The following TRPM6 variants were observed in gnomAD, a reference collection of about 807,000 sequenced individuals.
TRPM6 encodes the protein transient receptor potential cation channel subfamily M member 6.
Under a neutral mutation model 247.6 loss-of-function variants are expected in TRPM6, and 111 were observed. The ratio of observed to expected loss-of-function variants is 0.45; its 90% CI spans 0.38 to 0.52. The LOEUF is 0.52. Ranked by LOEUF, TRPM6 falls within the 20% of genes least tolerant of loss-of-function variation. The pLI is 0.00. For synonymous variants in TRPM6, 892 were observed against 853.8 expected, an observed-to-expected ratio of 1.04 and a Z score of -0.78; for missense variants, 2,126 against 2,421.5, an observed-to-expected ratio of 0.88 and a Z score of 2.56.
intron 1 of TRPM6, among the ~76,000 whole-genome samples, chr9:74,874,863 C>G (rs978596730): frequency 4.6e-5 from 7 of 151,230 alleles, no homozygotes; most frequent in Non-Finnish European, 8.8e-5. Context: ...TCAAGTGATT[C>G]TCCTGCCTCA....
intron 27 of TRPM6, among the ~76,000 whole-genome samples, 179 bp downstream of exon 27, chr9:74,761,517 C>T (rs546943331): frequency 6.6e-6 from 1 of 152,212 alleles, no homozygotes; most frequent in Admixed American, 6.5e-5. Flanking sequence ...CAAGGTCAGC[C>T]TGGACAACAT....
intron 1 of TRPM6, among the ~76,000 whole-genome samples, chr9:74,876,918 A>G (rs1831207863): frequency 6.6e-6 from 1 of 152,250 alleles, no homozygotes; most frequent in Admixed American, 6.5e-5. Context: ...GCACTGGATC[A>G]AAAATAAGTG....
At chr9:74,840,269 C>T (rs1829888084) in intron 4 of TRPM6, 32 bp from the exon 5 acceptor site, 1 of 1,524,978 alleles carries the variant, frequency 6.6e-7, no homozygotes, top group Non-Finnish European at 9.1e-7. Flanking sequence ...GTGAACAGAA[C>T]ATTGTAAAAA....
At chr9:74,803,182 C>A (rs1009447657) in intron 15 of TRPM6, among the ~76,000 whole-genome samples, 2 of 152,040 alleles carry the variant, frequency 1.3e-5, no homozygotes, top group African/African-American at 4.8e-5. Context: ...GGAAAGCAAA[C>A]CTCTTTCAGC....
In TRPM6 at chr9:74,861,462, T is replaced by C. The variant is rs142090045; in HGVS notation, c.34-2714A>G. ...AGGCCAATTAACTATTAAAAACAGA[T>C]GCTAAAAGGGTATCTAATGTAGAAG... On this transcript the variant is annotated intron_variant, in intron 1 of 38. Coordinates refer to ENST00000360774, the MANE Select transcript of TRPM6 (RefSeq NM_017662.5). Among the ~76,000 whole-genome samples the C allele has an allele frequency of 2.6e-4, 40 of 152,310 alleles. No individual in the cohort carries two copies. The East Asian group carries it at 5.8e-3, about 22-fold the overall frequency.
intron 14 of TRPM6, among the ~76,000 whole-genome samples, chr9:74,806,146 TG>T (rs1420935485): frequency 6.6e-6 from 1 of 152,152 alleles, no homozygotes; most frequent in Non-Finnish European, 1.5e-5. Context: ...GGTTGGCCAT[TG>T]TTGCTATTAT....
Position 74,785,920 on chromosome 9 carries a change from G to A in TRPM6, c.2873C>T (p.Ala958Val). The change falls in exon 21 of 39, where the codon GCT becomes GTT. Residue 958 changes from alanine to valine, a missense_variant. Ala to Val is a moderately conservative substitution (Grantham distance 64). This residue lies in a region of TRPM6 where 1,082 missense variants were observed against 1,307.9 expected (regional missense o/e 0.83). Coordinates refer to ENST00000360774, the MANE Select transcript of TRPM6 (RefSeq NM_017662.5). ...ATATGGACCTGCATGTTGATTCACA[G>A]CAAAGAAGTCCAGGAGCCGTGAGAA... The part of the protein sequence containing the change: ...FWFSRLLDFF[A>V]VNQHAGPYVT... The A allele has an allele frequency of 6.2e-7, 1 of 1,614,204 alleles. No homozygotes were observed. Among genetic ancestry groups the A allele is most frequent in the Non-Finnish European group, 8.5e-7 (1 of 1,180,042 alleles).
chr9:74,851,507 G>A (rs1040230861), intron 3 of TRPM6, among the ~76,000 whole-genome samples: 1 of 152,054 alleles, frequency 6.6e-6, no homozygotes, highest in African/African-American at 2.4e-5. Context: ...CAGCACTTTG[G>A]GAGGCTGAGG....
In TRPM6 at chr9:74,816,224, T is replaced by C. The variant is rs376227991; in HGVS notation, c.1308+445A>G. Among the ~76,000 whole-genome samples the C allele has an allele frequency of 3.5e-4, 53 of 152,038 alleles. 1 individual carries two copies. The highest frequency in any genetic ancestry group is 1.2e-3 in the African/African-American group (48 of 41,490). On this transcript the variant is annotated intron_variant, in intron 11 of 38. Transcript: ENST00000360774. ...AAAATACAATTTCCAAAGAAATTAG[T>C]TGGGCATGGTGGCATGCGCCTGTGG...
chr9:74,784,587 A>G (rs1026845192), intron 21 of TRPM6, among the ~76,000 whole-genome samples: 28 of 152,234 alleles, frequency 1.8e-4, no homozygotes, highest in African/African-American at 6.5e-4. Context: ...CGGATATTTT[A>G]GCAGAAAATA....
At chr9:74,887,758 G>T (rs951361618) in intron 1 of TRPM6, 66 bp downstream of exon 1, 19 of 1,613,392 alleles carry the variant, frequency 1.2e-5, no homozygotes, top group Non-Finnish European at 1.5e-5. Context: ...ATCTAAGGCC[G>T]GGGGCGCAGA....
chr9:74,867,515 C>T, intron 1 of TRPM6, among the ~76,000 whole-genome samples: 1 of 152,212 alleles, frequency 6.6e-6, no homozygotes, highest in Admixed American at 6.5e-5. Context: ...CCTGTTTAAT[C>T]TGGTACTCAA....
intron 29 of TRPM6, 49 bp from the exon 30 acceptor site, chr9:74,750,771 C>A: frequency 6.4e-7 from 1 of 1,557,664 alleles, no homozygotes; most frequent in South Asian, 1.1e-5. Flanking sequence ...ATAGTCCCAC[C>A]CCAAGTTTCT....
At chr9:74,802,269 T>A in intron 15 of TRPM6, 94 bp from the exon 16 acceptor site, 2 of 1,100,340 alleles carry the variant, frequency 1.8e-6, no homozygotes, top group Non-Finnish European at 2.7e-6. Context: ...AGATTTTTTT[T>A]AATCACTACT....
In TRPM6 at chr9:74,855,541, G is replaced by A; in HGVS notation, c.138C>T (p.Cys46=). Residue 46 remains cysteine (C), a synonymous_variant, in exon 3 of 39, where the codon TGC becomes TGT. Coordinates refer to ENST00000360774, the MANE Select transcript of TRPM6 (RefSeq NM_017662.5). ...CTAAGTCTTACCTGATTAAATTCTG[G>A]CAGACTTGGCATACTGGAGTACATC... ...PHRCTPVCQV[C]QNLIRCYCGR... 6.2e-7 allele frequency: 1 copy of A among 1,608,388 alleles called. No homozygotes were observed. Among genetic ancestry groups the A allele is most frequent in the Non-Finnish European group, 8.5e-7 (1 of 1,175,096 alleles).
At chr9:74,856,702 T>C (rs1310016736) in intron 2 of TRPM6, among the ~76,000 whole-genome samples, 2 of 152,168 alleles carry the variant, frequency 1.3e-5, no homozygotes, top group African/African-American at 2.4e-5. Flanking sequence ...TGTATCAGAT[T>C]TGTTTCTTAT....
chr9:74,849,266 G>A (rs1439538148), intron 3 of TRPM6, among the ~76,000 whole-genome samples: 4 of 149,990 alleles, frequency 2.7e-5, no homozygotes, highest in East Asian at 2.0e-4. Flanking sequence ...CAGGAGAATC[G>A]CTTGAACCCA....
chr9:74,868,959 T>A (rs1830938736), intron 1 of TRPM6, among the ~76,000 whole-genome samples: 1 of 152,194 alleles, frequency 6.6e-6, no homozygotes, highest in African/African-American at 2.4e-5. Flanking sequence ...GTTTGATACC[T>A]GAATTAGGGA....
rs556584780 is a variant in TRPM6 at position 74,757,354 on chromosome 9, C to T, written c.4786-1881G>A. Among the ~76,000 whole-genome samples the T allele has an allele frequency of 5.4e-5, 8 of 147,888 alleles. No homozygotes were observed. In the South Asian group the frequency reaches 1.3e-3, roughly 24 times the overall value. On this transcript the variant is annotated intron_variant, in intron 27 of 38. Coordinates refer to ENST00000360774, the MANE Select transcript of TRPM6 (RefSeq NM_017662.5). ...CAGCACTTTGGGAGGCTGAGGCAGG[C>T]GGATCAATTGAGGCCAGCCTGGCCA...
Sources: allele counts gnomAD v4.1 joint callset (sites outside exome capture counted in the v4.1 genomes callset), GRCh38; gene constraint gnomAD v4.1.1; regional missense constraint gnomAD v4.1.1; transcripts MANE v1.5; gene names NCBI Gene and HGNC (gene_info 2026-07-23, HGNC 2026-07-21).